Variants in CHRNA3 observed in about 807,000 individuals in gnomAD.
The protein encoded by CHRNA3 is neuronal acetylcholine receptor subunit alpha-3.
In CHRNA3, 34 loss-of-function variants were observed where a neutral mutation model predicts 41.9. The observed-to-expected ratio is 0.81, with a 90% CI of 0.62 to 1.08. The LOEUF is 1.08. Ranked by LOEUF, CHRNA3 falls within the 50% of genes least tolerant of loss-of-function variation. CHRNA3 has a pLI of 0.00. For synonymous variants in CHRNA3, 281 were observed against 265.2 expected, an observed-to-expected ratio of 1.06 and a Z score of -0.58; for missense variants, 542 against 638.3, an observed-to-expected ratio of 0.85 and a Z score of 1.63.
Position 78,611,624 on chromosome 15 carries a change from C to G in CHRNA3, c.377+5400G>C, listed in dbSNP as rs182511257. Among the ~76,000 whole-genome samples, 632 of 151,972 alleles carry G rather than the reference C, an allele frequency of 4.2e-3. 4 individuals are homozygous for G. The highest frequency in any genetic ancestry group is 0.012 in the African/African-American group (511 of 41,354). On this transcript the variant is annotated intron_variant, in intron 4 of 5. Coordinates refer to ENST00000326828, the MANE Select transcript of CHRNA3 (RefSeq NM_000743.5). ...CCCACAGCCAATATCATACTGAATG[C>G]GCACAAACTGGAAGCATTCCTTTTG...
Position 78,618,636 on chromosome 15 carries a change from G to A in CHRNA3, c.248C>T (p.Thr83Ile). The A allele has an allele frequency of 6.2e-7, 1 of 1,614,138 alleles. No individual in the cohort carries two copies. The highest frequency in any genetic ancestry group is 1.3e-5 in the African/African-American group (1 of 75,030). ...ACTTACTTGCTTGAGCCACAGGTTG[G>A]TCTCCATGATCTGGTTTACTTCATC... ...KVDEVNQIMETNLWLKQIWND... is the reference protein window; with the variant it reads ...KVDEVNQIMEINLWLKQIWND... Residue 83 changes from threonine to isoleucine, a missense_variant, in exon 3 of 6, where the codon ACC becomes ATC. Physicochemically the swap from Thr to Ile is moderately conservative, Grantham distance 89. Transcript: ENST00000326828.
chr15:78,602,807 C>CCTAT (rs1245008353), intron 4 of CHRNA3, among the ~76,000 whole-genome samples: 6 of 152,158 alleles, frequency 3.9e-5, no homozygotes, highest in Non-Finnish European at 8.8e-5. Context: ...ACTTCCAAAC[C>CCTAT]CTATCTCTGG....
At chr15:78,593,105 G>T, downstream of CHRNA3, 1 of 1,603,724 alleles carries the variant, frequency 6.2e-7, no homozygotes, top group Non-Finnish European at 8.5e-7. Flanking sequence ...GTTGAAGATT[G>T]GAAATTCATA....
chr15:78,608,408 AGAT>A lies in CHRNA3; in HGVS notation c.378-6147_378-6145del, dbSNP rs1219432064. On this transcript the variant is annotated intron_variant, in intron 4 of 5. Coordinates refer to ENST00000326828, the MANE Select transcript of CHRNA3 (RefSeq NM_000743.5). ...AGGCAGCAGCATCTGTGGGTCACCA[AGAT>A]CCACTGTTCTACAGCCACCGCTGTT... Among the ~76,000 whole-genome samples, 3 of 152,296 alleles carry A rather than the reference AGAT, an allele frequency of 2.0e-5. No homozygotes were observed. In the East Asian group the frequency reaches 5.8e-4, roughly 29 times the overall value.
At position 78,595,481 on chromosome 15, in the gene CHRNA3, T is replaced by C. The variant is rs2053090189; in HGVS notation, c.*1123A>G. 4.6e-6 allele frequency: 4 copies of C among 867,534 alleles called. No individual in the cohort carries two copies. The highest frequency in any genetic ancestry group is 1.8e-5 in the African/African-American group (1 of 54,914). The allele number at this position is 867,534 out of a possible 1,614,324, so 53.7% of individuals were successfully genotyped here. On this transcript the variant is annotated 3_prime_UTR_variant, in exon 6 of 6. Coordinates refer to ENST00000326828, the MANE Select transcript of CHRNA3 (RefSeq NM_000743.5). The stretch of plus-strand genomic sequence containing the variant: ...GTTTCTCAACCAGGGGCAATTTTGC[T>C]CCTAAGGGAACATTTAACAATGGAG...
intron 4 of CHRNA3, among the ~76,000 whole-genome samples, chr15:78,611,621 A>C (rs990584709): frequency 1.4e-4 from 21 of 152,154 alleles, no homozygotes; most frequent in Non-Finnish European, 2.8e-4. Context: ...ATCATACTGA[A>C]TGCGCACAAA....
chr15:78,606,096 G>A (rs1450475193), intron 4 of CHRNA3, among the ~76,000 whole-genome samples: 1 of 152,006 alleles, frequency 6.6e-6, no homozygotes, highest in African/African-American at 2.4e-5. Context: ...TGAGACAGGT[G>A]GATTACCTGA....
chr15:78,593,367 T>C, downstream of CHRNA3: 1 of 1,057,214 alleles, frequency 9.5e-7, no homozygotes, highest in Non-Finnish European at 1.3e-6. Flanking sequence ...TTTAACAGAC[T>C]AAGTTGCTAA....
chr15:78,613,834 T>C (rs2053422654), intron 4 of CHRNA3, among the ~76,000 whole-genome samples: 1 of 149,818 alleles, frequency 6.7e-6, no homozygotes, highest in Non-Finnish European at 1.5e-5. Flanking sequence ...TAGTCCCAGC[T>C]ACTTGGGAGG....
intron 4 of CHRNA3, among the ~76,000 whole-genome samples, chr15:78,607,688 G>A (rs973076761): frequency 4.6e-5 from 7 of 152,232 alleles, no homozygotes; most frequent in African/African-American, 1.7e-4. Context: ...GAGGTACCAG[G>A]TTCATCTCAC....
In CHRNA3 at chr15:78,620,907, G is replaced by C; in HGVS notation, c.-113C>G. ...GCAGACCCCAGACCTGGAGCCGTGC[G>C]GGCGGAGACGCGCGGGGCTCCTCTC... On this transcript the variant is annotated 5_prime_UTR_variant, in exon 1 of 6. Coordinates refer to ENST00000326828, the MANE Select transcript of CHRNA3 (RefSeq NM_000743.5). 2.4e-6 allele frequency: 3 copies of C among 1,225,334 alleles called. No homozygotes were observed. The highest frequency in any genetic ancestry group is 3.1e-6 in the Non-Finnish European group (3 of 979,442). 75.9% of individuals were successfully genotyped at this position (1,225,334 alleles called of 1,614,324 possible). A position where few individuals can be genotyped will look rare whatever the true frequency, so the allele number is the denominator to read the frequency against.
Position 78,601,922 on chromosome 15 carries a change from C to T in CHRNA3, c.720G>A (p.Leu240=), listed in dbSNP as rs1471522865. Residue 240 remains leucine, a synonymous_variant, in exon 5 of 6, where the codon CTG becomes CTA. Transcript: ENST00000326828. ...TGAGGTTGATGGTGTAGAACAAGGGCAGGCGCCGGATGTACAGCGAGTATG... is the reference window on the plus strand; with the variant it reads ...TGAGGTTGATGGTGTAGAACAAGGGTAGGCGCCGGATGTACAGCGAGTATG... The part of the protein sequence containing the change: ...DITYSLYIRR[L]PLFYTINLII... 1.2e-6 allele frequency: 2 copies of T among 1,605,330 alleles called. No individual in the cohort carries two copies. The highest frequency in any genetic ancestry group is 1.1e-5 in the South Asian group (1 of 90,606).
intron 4 of CHRNA3, among the ~76,000 whole-genome samples, chr15:78,606,411 CA>C (rs1411065816): frequency 6.7e-6 from 1 of 150,036 alleles, no homozygotes; most frequent in African/African-American, 2.4e-5. Context: ...AAAATAGAGC[CA>C]CCAAGCAGAT....
chr15:78,611,949 G>A (rs1388647785), intron 4 of CHRNA3, among the ~76,000 whole-genome samples: 3 of 152,134 alleles, frequency 2.0e-5, no homozygotes, highest in Non-Finnish European at 4.4e-5. Flanking sequence ...CAAATCATGA[G>A]TGAACTACCA....
chr15:78,598,877 A>G (rs2053153591), intron 5 of CHRNA3, among the ~76,000 whole-genome samples: 1 of 131,966 alleles, frequency 7.6e-6, no homozygotes. Flanking sequence ...TCTGTCACCT[A>G]GGCTGGAGTC....
In CHRNA3 at chr15:78,601,376, G is replaced by A. The variant is rs74864179; in HGVS notation, c.1266C>T (p.Ser422=). ...ISNFSANLTR[S]SSSESVDAVL... is the part of the protein sequence containing the mutation. ...CAGCATCAACAGATTCAGAACTAGA[G>A]CTTCTCGTGAGGTTAGCACTGAAAT... The change falls in exon 5 of 6, where the codon AGC becomes AGT. Residue 422 remains serine, a synonymous_variant. Coordinates refer to ENST00000326828, the MANE Select transcript of CHRNA3 (RefSeq NM_000743.5). 6.8e-6 allele frequency: 11 copies of A among 1,614,070 alleles called. No homozygotes were observed. Among genetic ancestry groups the A allele is most frequent in the African/African-American group, 2.7e-5 (2 of 74,930 alleles).
intron 5 of CHRNA3, 111 bp downstream of exon 5, chr15:78,601,142 G>A: frequency 9.6e-7 from 1 of 1,039,844 alleles, no homozygotes; most frequent in Non-Finnish European, 1.4e-6. Flanking sequence ...ACAGGCCACT[G>A]ACTCCAGAGG....
rs2053474899 is a variant in CHRNA3 at position 78,617,127 on chromosome 15, T to C, written c.274A>G (p.Asn92Asp). 2 of 1,606,600 alleles carry C rather than the reference T, an allele frequency of 1.2e-6. No individual in the cohort carries two copies. The highest frequency in any genetic ancestry group is 2.2e-5 in the South Asian group (2 of 90,824). ...ETNLWLKQIW[N>D]DYKLKWNPSD... Reference sequence around the variant, plus strand: ...GGGTTCCATTTCAGCTTGTAGTCATTCCAGATCTCGGGGAAGGAAGCAGGG... The same window carrying C: ...GGGTTCCATTTCAGCTTGTAGTCATCCCAGATCTCGGGGAAGGAAGCAGGG... The change falls in exon 4 of 6, where the codon AAT (asparagine) becomes GAT (aspartate). Residue 92 changes from asparagine (N) to aspartate (D), a missense_variant. Asn to Asp is a conservative substitution (Grantham distance 23). Transcript: ENST00000326828.
intron 4 of CHRNA3, among the ~76,000 whole-genome samples, chr15:78,605,865 G>C (rs939179373): frequency 7.9e-5 from 12 of 152,158 alleles, no homozygotes; most frequent in Admixed American, 7.2e-4. Flanking sequence ...TCATGACTGA[G>C]GTGTCATGAC....
Sources: allele counts gnomAD v4.1 joint callset (sites outside exome capture counted in the v4.1 genomes callset), GRCh38; gene constraint gnomAD v4.1.1; transcripts MANE v1.5; gene names NCBI Gene and HGNC (gene_info 2026-07-23, HGNC 2026-07-21).